Variants in GPR149 observed in about 807,000 individuals in gnomAD.
GPR149 encodes G protein-coupled receptor 149, also known as probable G protein-coupled receptor 149.
A neutral mutation model predicts 50.2 loss-of-function variants in GPR149; 50 were observed. The ratio of observed to expected loss-of-function variants is 1.00; its 90% CI spans 0.79 to 1.26. The LOEUF (loss-of-function observed/expected upper bound fraction) is 1.26, where lower values mean the gene tolerates loss of function less well. GPR149 is among the 50% of genes most tolerant of loss of function. The pLI is 0.00. For synonymous variants in GPR149, 405 were observed against 358.2 expected, an observed-to-expected ratio of 1.13 and a Z score of -1.48; for missense variants, 983 against 895.4, an observed-to-expected ratio of 1.10 and a Z score of -1.25.
intron 3 of GPR149, among the ~76,000 whole-genome samples, chr3:154,409,637 G>A (rs1711782609): frequency 6.6e-6 from 1 of 151,990 alleles, no homozygotes; most frequent in Non-Finnish European, 1.5e-5. Context: ...ATACTTCAGA[G>A]CTCAAAGACA....
At chr3:154,353,900 G>A (rs1202631447) in intron 3 of GPR149, 2 of 547,740 alleles carry the variant, frequency 3.7e-6, no homozygotes, top group Admixed American at 2.8e-5. Context: ...AGTCTCTTCA[G>A]AAATACGGAA....
At chr3:154,410,862 CAT>C (rs1484619322) in intron 3 of GPR149, among the ~76,000 whole-genome samples, 2 of 152,104 alleles carry the variant, frequency 1.3e-5, no homozygotes, top group Admixed American at 6.6e-5. Flanking sequence ...ATTTACAAAA[CAT>C]TCTACCCAAT....
At chr3:154,349,267 T>C (rs1714008843) in intron 3 of GPR149, among the ~76,000 whole-genome samples, 1 of 152,036 alleles carries the variant, frequency 6.6e-6, no homozygotes, top group African/African-American at 2.4e-5. Flanking sequence ...AAAGCTGATA[T>C]CAATGACATT....
chr3:154,403,041 T>A (rs1028304658), intron 3 of GPR149, among the ~76,000 whole-genome samples: 14 of 152,198 alleles, frequency 9.2e-5, no homozygotes, highest in African/African-American at 3.1e-4. Context: ...ATATTAACAG[T>A]GTTTTTAAAT....
intron 3 of GPR149, among the ~76,000 whole-genome samples, chr3:154,369,370 G>A (rs962002542): frequency 1.5e-4 from 23 of 152,198 alleles, no homozygotes; most frequent in African/African-American, 5.5e-4. Flanking sequence ...AAACAGAAAG[G>A]TAAATTTAGT....
Position 154,429,151 on chromosome 3 carries a change from C to G in GPR149, c.465G>C (p.Leu155=). ...RRSGQVLGVV[L]TVWAASLLLS... ...GCAGCAGACTGGCTGCCCACACGGT[C>G]AGCACCACGCCGAGCACCTGGCCCG... Residue 155 remains leucine (L), a synonymous_variant, in exon 1 of 4, where the codon CTG becomes CTC. Transcript: ENST00000389740. 2 of 1,613,666 alleles carry G rather than the reference C, an allele frequency of 1.2e-6. No homozygotes were observed. Among genetic ancestry groups the G allele is most frequent in the East Asian group, 2.2e-5 (1 of 44,848 alleles).
chr3:154,344,578 G>A (rs1422358331), intron 3 of GPR149, among the ~76,000 whole-genome samples: 6 of 152,220 alleles, frequency 3.9e-5, no homozygotes, highest in Non-Finnish European at 2.9e-5. Context: ...AGGTCATACC[G>A]AATGAAGATG....
intron 3 of GPR149, among the ~76,000 whole-genome samples, chr3:154,377,302 A>G (rs894184093): frequency 2.7e-5 from 4 of 150,218 alleles, no homozygotes; most frequent in Admixed American, 1.3e-4. Context: ...TTGTAAGCTA[A>G]TATTGAACAG....
rs1341107044 is a variant in GPR149, at chr3:154,351,311, T to TGCAAAAAAAAAAAAAAA, written c.1624-13041_1624-13040insTTTTTTTTTTTTTTTGC. ...GTGCTAGGGCAATTAGACATCCACATACAAAAAAAAAAAAAAAAAAAAAAA... is the reference window on the plus strand; with the variant it reads ...GTGCTAGGGCAATTAGACATCCACATGCAAAAAAAAAAAAAAAACAAAAAAAAAAAAAAAAAAAAAAA... On this transcript the variant is annotated intron_variant, in intron 3 of 3. Transcript: ENST00000389740. Among the ~76,000 whole-genome samples the TGCAAAAAAAAAAAAAAA allele has an allele frequency of 4.1e-4, 8 of 19,680 alleles. 3 individuals are homozygous for TGCAAAAAAAAAAAAAAA. The highest frequency in any genetic ancestry group is 6.0e-4 in the African/African-American group (3 of 5,018). 12.9% of individuals were successfully genotyped at this position (19,680 alleles called of 152,430 possible). A position where few individuals can be genotyped will look rare whatever the true frequency, so the allele number is the denominator to read the frequency against.
intron 3 of GPR149, among the ~76,000 whole-genome samples, chr3:154,402,795 A>G (rs904378413): frequency 1.3e-4 from 20 of 152,166 alleles, no homozygotes; most frequent in Non-Finnish European, 5.9e-5. Flanking sequence ...CTTCACATAC[A>G]TGCCTGTGTG....
intron 3 of GPR149, among the ~76,000 whole-genome samples, chr3:154,409,888 G>A (rs1044463748): frequency 6.6e-6 from 1 of 152,228 alleles, no homozygotes; most frequent in African/African-American, 2.4e-5. Context: ...GAATACCTGG[G>A]AAATTCACTG....
At chr3:154,415,971 A>AT (rs1318958483) in intron 3 of GPR149, among the ~76,000 whole-genome samples, 2 of 151,824 alleles carry the variant, frequency 1.3e-5, no homozygotes, top group Non-Finnish European at 2.9e-5. Flanking sequence ...TTTTAAGTGG[A>AT]TTTTTTCTAG....
At chr3:154,406,376 A>G (rs893851646) in intron 3 of GPR149, among the ~76,000 whole-genome samples, 3 of 152,220 alleles carry the variant, frequency 2.0e-5, no homozygotes, top group Admixed American at 6.5e-5. Flanking sequence ...TAGCAAAACT[A>G]CATTTTTTAT....
intron 3 of GPR149, among the ~76,000 whole-genome samples, chr3:154,355,262 G>A (rs1012623338): frequency 2.6e-5 from 4 of 152,128 alleles, no homozygotes; most frequent in East Asian, 1.9e-4. Flanking sequence ...TCCTGACCTC[G>A]TGATCCACCC....
rs199633752 is a variant in GPR149, at chr3:154,429,118, C to G, written c.498G>C (p.Ala166=). Residue 166 remains alanine (A), a synonymous_variant, in exon 1 of 4, where the codon GCG becomes GCC. Transcript: ENST00000389740. ...AGGCGCCCCAGCCGCACAGCGGGAGCGCCGAGAGCAGCAGACTGGCTGCCC... is the reference window on the plus strand; with the variant it reads ...AGGCGCCCCAGCCGCACAGCGGGAGGGCCGAGAGCAGCAGACTGGCTGCCC... The part of the protein sequence containing the change: ...TVWAASLLLS[A]LPLCGWGAFV... 4.3e-6 allele frequency: 7 copies of G among 1,613,596 alleles called. No individual in the cohort carries two copies. In the South Asian group the frequency reaches 4.4e-5, roughly 10 times the overall value.
chr3:154,416,878 G>A (rs1471063901), intron 3 of GPR149, among the ~76,000 whole-genome samples: 1 of 151,906 alleles, frequency 6.6e-6, no homozygotes, highest in Non-Finnish European at 1.5e-5. Flanking sequence ...ATCCTATAAT[G>A]ATAGGATTGT....
intron 3 of GPR149, among the ~76,000 whole-genome samples, chr3:154,359,801 T>A (rs751204385): frequency 6.6e-5 from 10 of 152,118 alleles, no homozygotes; most frequent in Non-Finnish European, 1.2e-4. Flanking sequence ...CCTTAATAGA[T>A]ACAAATTCCT....
chr3:154,428,255 G>A (rs145589380), intron 1 of GPR149, among the ~76,000 whole-genome samples: 264 of 152,318 alleles, frequency 1.7e-3, no homozygotes, highest in African/African-American at 6.1e-3. Context: ...GGAACGGCGA[G>A]AAAGGGATGA....
intron 3 of GPR149, among the ~76,000 whole-genome samples, chr3:154,362,288 C>CAA (rs34401689): frequency 0.052 from 4,889 of 93,962 alleles, 541 homozygotes; most frequent in African/African-American, 0.18. Flanking sequence ...GACTCCGTCT[C>CAA]AAAAAAAAAA....
Sources: gnomAD v4.1 joint callset for allele counts (sites outside exome capture counted in the v4.1 genomes callset) on GRCh38, gnomAD v4.1.1 for gene constraint, MANE v1.5 for transcripts, NCBI Gene and HGNC (gene_info 2026-07-23, HGNC 2026-07-21) for gene names.